PCDHGA4: variants seen among roughly 807,000 people sequenced by gnomAD.
The protein encoded by PCDHGA4 is protocadherin gamma-A4.
A neutral mutation model predicts 54.6 loss-of-function variants in PCDHGA4; 38 were observed. The observed-to-expected ratio is 0.70, with a 90% confidence interval of 0.54 to 0.91. The LOEUF is 0.91. Ranked by LOEUF, PCDHGA4 falls within the 40% of genes least tolerant of loss-of-function variation. PCDHGA4 has a pLI of 0.00. For synonymous variants in PCDHGA4, 511 were observed against 512.9 expected (o/e 1.00, Z 0.05); for missense variants, 1,298 against 1,220.9 (o/e 1.06, Z -0.94).
chr5:141,358,269 CT>C (rs1760870849), intron 1 of PCDHGA4, among the ~76,000 whole-genome samples: 1 of 152,132 alleles, frequency 6.6e-6, no homozygotes, highest in Non-Finnish European at 1.5e-5. Context: ...TACAAGAGAC[CT>C]GTAAAATAGA....
rs1043628660 is a variant in PCDHGA4, at chr5:141,478,879, G to A, written c.2515-15928G>A. On this transcript the variant is annotated intron_variant, in intron 1 of 3. Coordinates refer to ENST00000571252, the MANE Select transcript of PCDHGA4 (RefSeq NM_018917.4). ...GATCTCAGCGATCAGAGTTTAGCTT[G>A]GTATCATTTACATTAGGAATAAGCT... is the stretch of plus-strand genomic sequence containing the variant. 9 of 1,243,630 alleles carry A rather than the reference G, an allele frequency of 7.2e-6. No homozygotes were observed. The African/African-American group carries it at 1.1e-4, about 15-fold the overall frequency. The allele number at this position is 1,243,630 out of a possible 1,614,324, so 77.0% of individuals were successfully genotyped here.
At position 141,356,482 on chromosome 5, in the gene PCDHGA4, G is replaced by A. The variant is rs754929117; in HGVS notation, c.1375G>A (p.Gly459Arg). Residue 459 changes from glycine to arginine, a missense_variant, in exon 1 of 4, where the codon GGA becomes AGA. Physicochemically the swap from Gly to Arg is moderately radical, Grantham distance 125. Coordinates refer to ENST00000571252, the MANE Select transcript of PCDHGA4 (RefSeq NM_018917.4). ...CATCACTGTAACTGCCACTGACCAGGGAACTCCTCCACTGTCTACAGAAAC... is the reference window on the plus strand; with the variant it reads ...CATCACTGTAACTGCCACTGACCAGAGAACTCCTCCACTGTCTACAGAAAC... ...YNITVTATDQ[G>R]TPPLSTETHI... 6.8e-6 allele frequency: 11 copies of A among 1,613,940 alleles called. No individual in the cohort carries two copies. In the South Asian group the frequency reaches 9.9e-5, roughly 14 times the overall value.
At chr5:141,366,868 T>C in intron 1 of PCDHGA4, 1 of 1,409,530 alleles carries the variant, frequency 7.1e-7, no homozygotes, top group Non-Finnish European at 9.5e-7. Flanking sequence ...ATTTGCTGTA[T>C]TGGAGATTAA....
chr5:141,356,130 G>A lies in PCDHGA4; in HGVS notation c.1023G>A (p.Glu341=), dbSNP rs759875517. ...DITILGGLDY[E]DSGFYDIDVE... ...CAATATTGGGGGGTCTAGATTATGA[G>A]GACTCTGGATTCTATGACATAGATG... The change falls in exon 1 of 4, where the codon GAG becomes GAA. Residue 341 remains glutamate (E), a synonymous_variant. Transcript: ENST00000571252. 3.7e-6 allele frequency: 6 copies of A among 1,613,810 alleles called. No homozygotes were observed. The East Asian group carries it at 1.1e-4, about 30-fold the overall frequency.
intron 1 of PCDHGA4, chr5:141,468,330 C>CAAAAAA (rs533390277): frequency 1.3e-5 from 1 of 79,878 alleles, no homozygotes. Context: ...AACTCCATCT[C>CAAAAAA]AAAAAAAAAA....
chr5:141,486,728 G>T lies in PCDHGA4; in HGVS notation c.2515-8079G>T. On this transcript the variant is annotated intron_variant, in intron 1 of 3. Coordinates refer to ENST00000571252, the MANE Select transcript of PCDHGA4 (RefSeq NM_018917.4). This position sits in a 1 kb window ranked among gnomAD's most constrained non-coding sequence, Gnocchi z 5.0. Reference sequence around the variant, plus strand: ...GAACCCCCAGACAGGAGCTGTTCATGCTACTCGATCCTTTGACTATGAGCA... The same window carrying T: ...GAACCCCCAGACAGGAGCTGTTCATTCTACTCGATCCTTTGACTATGAGCA... The T allele has an allele frequency of 6.2e-7, 1 of 1,614,200 alleles. No individual in the cohort carries two copies. The highest frequency in any genetic ancestry group is 8.5e-7 in the Non-Finnish European group (1 of 1,180,052).
In PCDHGA4 at chr5:141,371,791, C is replaced by G. The variant is rs758674133; in HGVS notation, c.2514+14170C>G. The stretch of plus-strand genomic sequence containing the variant: ...ACCGTGCATGTAGCTGAGAACAATC[C>G]GCCTGGAGCCTCCATTGCGCATGTC... On this transcript the variant is annotated intron_variant, in intron 1 of 3. Transcript: ENST00000571252. 6.2e-7 allele frequency: 1 copy of G among 1,613,938 alleles called. No homozygotes were observed. Among genetic ancestry groups the G allele is most frequent in the East Asian group, 2.2e-5 (1 of 44,884 alleles).
intron 1 of PCDHGA4, chr5:141,362,646 A>G: frequency 1.4e-6 from 2 of 1,452,328 alleles, no homozygotes; most frequent in Non-Finnish European, 1.8e-6. Context: ...TTTGTCTGTG[A>G]GTTAGATTTG....
At chr5:141,510,879 G>T in intron 3 of PCDHGA4, 68 bp from the exon 4 acceptor site, 1 of 1,611,520 alleles carries the variant, frequency 6.2e-7, no homozygotes, top group Non-Finnish European at 8.5e-7. Flanking sequence ...TAACTGCTGG[G>T]GATATAAGAC....
chr5:141,413,756 A>G, intron 1 of PCDHGA4: 1 of 1,613,042 alleles, frequency 6.2e-7, no homozygotes, highest in South Asian at 1.1e-5. Context: ...AATGGCGTCA[A>G]GTACCCGGAG....
Position 141,384,108 on chromosome 5 carries a change from AT to A in PCDHGA4, c.2514+26489del. 1.9e-6 allele frequency: 3 copies of A among 1,603,570 alleles called. No individual in the cohort carries two copies. In the East Asian group the frequency reaches 6.8e-5, roughly 36 times the overall value. Reference sequence around the variant, plus strand: ...AAAAATCAATAGATAATTATTATAGATTGGTCACAACCAAAAACTTGGACCG... The same window carrying A: ...AAAAATCAATAGATAATTATTATAGATGGTCACAACCAAAAACTTGGACCG... On this transcript the variant is annotated intron_variant, in intron 1 of 3. Transcript: ENST00000571252.
chr5:141,357,655 G>A lies in PCDHGA4; in HGVS notation c.2514+34G>A, dbSNP rs369881660. The A allele has an allele frequency of 1.8e-5, 29 of 1,606,982 alleles. 1 individual carries two copies. Among genetic ancestry groups the A allele is most frequent in the South Asian group, 8.9e-5 (8 of 90,294 alleles). On this transcript the variant is annotated intron_variant, in intron 1 of 3. Coordinates refer to ENST00000571252, the MANE Select transcript of PCDHGA4 (RefSeq NM_018917.4). ...ATCTTATAATAGATCATACCACACTGAAATATAGACAAAGAGTTGTGTAAA... is the reference window on the plus strand; with the variant it reads ...ATCTTATAATAGATCATACCACACTAAAATATAGACAAAGAGTTGTGTAAA...
At chr5:141,408,917 C>T (rs549266523) in intron 1 of PCDHGA4, 2 of 1,613,248 alleles carry the variant, frequency 1.2e-6, no homozygotes, top group Non-Finnish European at 8.5e-7. Context: ...CAATGATAAC[C>T]CCCCGGTTTT....
chr5:141,395,538 TTGTTTGTGTG>T, intron 1 of PCDHGA4: 1 of 225,786 alleles, frequency 4.4e-6, no homozygotes, highest in Non-Finnish European at 7.1e-6. Context: ...AATTTTGCTA[TTGTTTGTGTG>T]TGTGTGTGTG....
chr5:141,494,680 C>G (rs552351026), intron 1 of PCDHGA4, 127 bp from the exon 2 acceptor site: 2 of 1,560,096 alleles, frequency 1.3e-6, no homozygotes, highest in East Asian at 4.6e-5. Context: ...CCACCCCTGC[C>G]CCCTCTTAGT....
rs996556361 is a variant in PCDHGA4, at chr5:141,511,290, A to G, written c.*117A>G. 1.3e-6 allele frequency: 2 copies of G among 1,516,984 alleles called. No homozygotes were observed. The highest frequency in any genetic ancestry group is 1.8e-6 in the Non-Finnish European group (2 of 1,129,124). The allele number at this position is 1,516,984 out of a possible 1,614,324, so 94.0% of individuals were successfully genotyped here. ...AACCCCCAGAATACTGGTAGGGGCC[A>G]AGGCCATGCTCCCCTTGGGAAACAG... is the stretch of plus-strand genomic sequence containing the variant. On this transcript the variant is annotated 3_prime_UTR_variant, in exon 4 of 4. Coordinates refer to ENST00000571252, the MANE Select transcript of PCDHGA4 (RefSeq NM_018917.4).
At chr5:141,415,935 C>T (rs2095972319) in intron 1 of PCDHGA4, 1 of 601,888 alleles carries the variant, frequency 1.7e-6, no homozygotes, top group Non-Finnish European at 2.4e-6. Flanking sequence ...TTTATATTTC[C>T]TCCTGGGTGG....
At chr5:141,381,826 C>CTTTTTTTTTT (rs770630741) in intron 1 of PCDHGA4, among the ~76,000 whole-genome samples, 29 of 74,274 alleles carry the variant, frequency 3.9e-4, no homozygotes, top group South Asian at 5.1e-4. Context: ...CTTTCTTCTT[C>CTTTTTTTTTT]TTTTTTTTTT....
chr5:141,419,715 TG>T (rs754309862), intron 1 of PCDHGA4: 1 of 1,613,288 alleles, frequency 6.2e-7, no homozygotes, highest in South Asian at 1.1e-5. Flanking sequence ...CTCTTCAGCC[TG>T]GGGCTGCGAA....
Sources: allele counts gnomAD v4.1 joint callset (sites outside exome capture counted in the v4.1 genomes callset), GRCh38; gene constraint gnomAD v4.1.1; non-coding constraint Gnocchi (gnomAD v3.1); transcripts MANE v1.5; gene names NCBI Gene and HGNC (gene_info 2026-07-23, HGNC 2026-07-21).